The following GPC3 variants were observed in gnomAD, a reference collection of about 807,000 sequenced individuals.
The protein encoded by GPC3 is glypican-3.
A neutral mutation model predicts 34.4 loss-of-function variants in GPC3; 3 were observed. The observed-to-expected ratio is 0.09, with a 90% confidence interval of 0.04 to 0.23. The LOEUF is 0.23. Ranked by LOEUF, GPC3 falls within the 10% of genes least tolerant of loss-of-function variation. The pLI is 1.00. For synonymous variants in GPC3, 177 were observed against 174.0 expected (o/e 1.02, Z -0.13); for missense variants, 351 against 445.6 (o/e 0.79, Z 1.91).
intron 1 of GPC3, among the ~76,000 whole-genome samples, chrX:133,975,456 C>A (rs1224569635): frequency 3.6e-5 from 4 of 110,847 alleles, no homozygotes; most frequent in Admixed American, 1.9e-4. Flanking sequence ...GAGACAGGGT[C>A]TCTCTCTGTC....
chrX:133,690,457 T>C (rs1278919673), intron 5 of GPC3, among the ~76,000 whole-genome samples: 1 of 111,118 alleles, frequency 9.0e-6, no homozygotes, highest in Non-Finnish European at 1.9e-5. Flanking sequence ...AAGGCCACAG[T>C]TAGTAGCAGA....
chrX:133,582,814 G>A (rs145230282), intron 7 of GPC3, among the ~76,000 whole-genome samples: 8 of 111,201 alleles, frequency 7.2e-5, no homozygotes, highest in Non-Finnish European at 7.5e-5. Context: ...GAGTGGTGCA[G>A]GGGATGAGTG....
intron 5 of GPC3, among the ~76,000 whole-genome samples, chrX:133,689,045 T>C (rs946060398): frequency 1.8e-5 from 2 of 110,752 alleles, no homozygotes; most frequent in Admixed American, 1.9e-4. Flanking sequence ...CAAGAAGGAG[T>C]CACTTCCTGG....
intron 2 of GPC3, among the ~76,000 whole-genome samples, chrX:133,879,064 A>G (rs952766803): frequency 9.0e-6 from 1 of 111,352 alleles, no homozygotes; most frequent in Non-Finnish European, 1.9e-5. Context: ...ACAGAATGTT[A>G]AAATGTGTTT....
intron 3 of GPC3, among the ~76,000 whole-genome samples, chrX:133,749,437 C>T (rs1006441822): frequency 4.5e-5 from 5 of 111,278 alleles, no homozygotes; most frequent in African/African-American, 1.3e-4. Flanking sequence ...GTGCTGCCAG[C>T]GACAACACCC....
intron 7 of GPC3, among the ~76,000 whole-genome samples, chrX:133,584,541 C>T (rs1355439547): frequency 8.9e-6 from 1 of 112,052 alleles, no homozygotes; most frequent in East Asian, 2.8e-4. Context: ...TGCAGTGGCA[C>T]GATCTCAGCT....
intron 2 of GPC3, among the ~76,000 whole-genome samples, chrX:133,921,712 G>C (rs1027619467): frequency 8.9e-6 from 1 of 112,070 alleles, no homozygotes; most frequent in Middle Eastern, 4.2e-3. Flanking sequence ...CTTGAACTTT[G>C]ACCGTAGCAC....
intron 7 of GPC3, among the ~76,000 whole-genome samples, chrX:133,547,101 A>T: frequency 9.0e-6 from 1 of 111,642 alleles, no homozygotes; most frequent in Non-Finnish European, 1.9e-5. Flanking sequence ...GTTCTCACTC[A>T]TATGTGGGAG....
chrX:133,864,343 A>G (rs1179571183), intron 2 of GPC3, among the ~76,000 whole-genome samples: 1 of 111,939 alleles, frequency 8.9e-6, no homozygotes, highest in East Asian at 2.8e-4. Flanking sequence ...TTGACTCTGA[A>G]GAAATTTCCC....
intron 1 of GPC3, among the ~76,000 whole-genome samples, chrX:133,959,173 T>C (rs1024638790): frequency 2.7e-5 from 3 of 111,708 alleles, no homozygotes; most frequent in African/African-American, 9.8e-5. Context: ...CTTGGCCTTC[T>C]TGACCTCCAT....
At chrX:133,919,184 G>A (rs1249243425) in intron 2 of GPC3, among the ~76,000 whole-genome samples, 1 of 111,045 alleles carries the variant, frequency 9.0e-6, no homozygotes, top group African/African-American at 3.3e-5. Flanking sequence ...TATTGAGAAG[G>A]TACTTACTAC....
intron 3 of GPC3, among the ~76,000 whole-genome samples, chrX:133,725,073 C>T (rs762325367): frequency 1.8e-5 from 2 of 111,847 alleles, no homozygotes; most frequent in South Asian, 7.7e-4. Flanking sequence ...AGTAAAGCAA[C>T]AGAGAGTCTT....
intron 3 of GPC3, among the ~76,000 whole-genome samples, chrX:133,717,307 G>T (rs949608450): frequency 9.0e-6 from 1 of 110,710 alleles, no homozygotes; most frequent in African/African-American, 3.3e-5. Flanking sequence ...AAGGCAATGG[G>T]ATTAAGGGAG....
intron 6 of GPC3, among the ~76,000 whole-genome samples, chrX:133,605,175 G>A (rs377308976): frequency 1.0e-4 from 11 of 109,136 alleles, no homozygotes; most frequent in South Asian, 4.1e-4. Context: ...TCACACGTGG[G>A]GGGGGGGCAA....
At chrX:133,845,034 C>T (rs989224276) in intron 2 of GPC3, among the ~76,000 whole-genome samples, 11 of 111,525 alleles carry the variant, frequency 9.9e-5, no homozygotes, top group Non-Finnish European at 1.7e-4. Flanking sequence ...ACAAACTTCC[C>T]TTTTTGCACT....
At chrX:133,812,233 C>T (rs1029532894) in intron 2 of GPC3, among the ~76,000 whole-genome samples, 5 of 112,060 alleles carry the variant, frequency 4.5e-5, no homozygotes, top group Admixed American at 9.5e-5. Flanking sequence ...TATTTAAATA[C>T]TCTGGTGAAG....
At chrX:133,654,659 C>A (rs1479258162) in intron 6 of GPC3, among the ~76,000 whole-genome samples, 2 of 109,850 alleles carry the variant, frequency 1.8e-5, no homozygotes, top group Non-Finnish European at 3.8e-5. Flanking sequence ...TTGCAGTGAG[C>A]CAAGATCACG....
rs186154625 is a variant in GPC3 at position 133,636,512 on chromosome X, C to G, written c.1413+25218G>C. 7.1e-5 allele frequency among the ~76,000 whole-genome samples: 8 copies of G among 111,985 alleles called. No homozygotes were observed. In the East Asian group the frequency reaches 2.3e-3, roughly 32 times the overall value. On this transcript the variant is annotated intron_variant, in intron 6 of 7. Transcript: ENST00000370818. ...CGAAACCCTGTCTCTACTAAAAATA[C>G]AAAAATTAGCTGGACATGGTGGCAT...
chrX:133,558,359 G>T (rs1420271176), intron 7 of GPC3, among the ~76,000 whole-genome samples: 2 of 107,107 alleles, frequency 1.9e-5, no homozygotes, highest in Non-Finnish European at 3.8e-5. Context: ...AGAGGGTGCA[G>T]GGCCCTGAGA....
Sources: allele counts gnomAD v4.1 joint callset (sites outside exome capture counted in the v4.1 genomes callset), GRCh38; gene constraint gnomAD v4.1.1; transcripts MANE v1.5; gene names NCBI Gene and HGNC (gene_info 2026-07-23, HGNC 2026-07-21).